The following SAMD3 variants were observed in gnomAD, a reference collection of about 807,000 sequenced individuals.
SAMD3 encodes the protein sterile alpha motif domain containing 3.
SAMD3 carries 63 observed loss-of-function variants against 58.5 expected under a neutral mutation model. The ratio of observed to expected loss-of-function variants is 1.08; its 90% confidence interval spans 0.88 to 1.33. SAMD3 has a LOEUF of 1.33. SAMD3 is among the 40% of genes most tolerant of loss of function. SAMD3 has a pLI of 0.00. For synonymous variants in SAMD3, 220 were observed against 210.3 expected (o/e 1.05, Z -0.40); for missense variants, 604 against 608.4 (o/e 0.99, Z 0.08).
At chr6:130,327,880 G>C in intron 1 of SAMD3, among the ~76,000 whole-genome samples, 1 of 152,130 alleles carries the variant, frequency 6.6e-6, no homozygotes, top group East Asian at 1.9e-4. Flanking sequence ...AGAAAATAAG[G>C]AAGAAGTGAA....
At chr6:130,335,482 A>G (rs1273815935) in intron 1 of SAMD3, among the ~76,000 whole-genome samples, 1 of 152,228 alleles carries the variant, frequency 6.6e-6, no homozygotes, top group Non-Finnish European at 1.5e-5. Flanking sequence ...CAGATACACA[A>G]TCATTATTCA....
At chr6:130,365,124 T>C (rs1778100205) in exon 1 of SAMD3, 4 of 944,610 alleles carry the variant, frequency 4.2e-6, no homozygotes, top group Non-Finnish European at 5.0e-6. Context: ...ACTTACGGAA[T>C]TGGCCTGCAT....
intron 1 of SAMD3, among the ~76,000 whole-genome samples, chr6:130,322,251 A>C (rs1776610254): frequency 6.6e-6 from 1 of 152,212 alleles, no homozygotes; most frequent in Non-Finnish European, 1.5e-5. Flanking sequence ...TTCAGGAACC[A>C]GCAGCAGGCT....
chr6:130,251,722 T>C (rs1377267297), intron 2 of SAMD3, among the ~76,000 whole-genome samples: 2 of 152,192 alleles, frequency 1.3e-5, no homozygotes, highest in Non-Finnish European at 2.9e-5. Context: ...TTTATTTCAT[T>C]GATCTATACT....
At chr6:130,246,528 A>T (rs1297476745) in intron 2 of SAMD3, among the ~76,000 whole-genome samples, 1 of 151,272 alleles carries the variant, frequency 6.6e-6, no homozygotes, top group African/African-American at 2.4e-5. Flanking sequence ...TTTTTTGAGA[A>T]TGTTGCATGT....
intron 2 of SAMD3, among the ~76,000 whole-genome samples, chr6:130,248,201 TG>T (rs1216375399): frequency 1.3e-5 from 2 of 152,086 alleles, no homozygotes; most frequent in African/African-American, 4.8e-5. Flanking sequence ...TGTGTGTGTG[TG>T]TGTGTGTGTG....
intron 7 of SAMD3, among the ~76,000 whole-genome samples, chr6:130,180,731 G>A (rs1268832301): frequency 6.6e-6 from 1 of 152,026 alleles, no homozygotes; most frequent in Non-Finnish European, 1.5e-5. Flanking sequence ...ACAACTGGGT[G>A]GACAGAGTGC....
At chr6:130,299,930 A>C (rs1258844101) in intron 2 of SAMD3, among the ~76,000 whole-genome samples, 1 of 152,222 alleles carries the variant, frequency 6.6e-6, no homozygotes, top group Non-Finnish European at 1.5e-5. Context: ...AATGCTGAAC[A>C]GACCAATAAT....
At chr6:130,336,316 T>C (rs1777099931) in intron 1 of SAMD3, among the ~76,000 whole-genome samples, 1 of 152,152 alleles carries the variant, frequency 6.6e-6, no homozygotes, top group Admixed American at 6.5e-5. Flanking sequence ...ATTGCTAGGG[T>C]CACACAGTGG....
intron 2 of SAMD3, among the ~76,000 whole-genome samples, chr6:130,263,376 T>C (rs1329999647): frequency 6.6e-6 from 1 of 152,132 alleles, no homozygotes; most frequent in East Asian, 1.9e-4. Context: ...AGAGCCAGCC[T>C]GAAGATCACG....
At chr6:130,164,398 T>C (rs1288771581) in intron 8 of SAMD3, among the ~76,000 whole-genome samples, 1 of 152,180 alleles carries the variant, frequency 6.6e-6, no homozygotes, top group Non-Finnish European at 1.5e-5. Context: ...GCAGTAACTC[T>C]CATATATTTC....
At chr6:130,165,624 A>T (rs1547333) in intron 8 of SAMD3, among the ~76,000 whole-genome samples, 110,838 of 151,990 alleles carry the variant, frequency 0.73, 41,254 homozygotes, top group East Asian at 0.97. Flanking sequence ...ACACATCAAA[A>T]TTTTTTCAGA....
chr6:130,211,530 C>A (rs1327270902), intron 4 of SAMD3, among the ~76,000 whole-genome samples: 1 of 151,934 alleles, frequency 6.6e-6, no homozygotes, highest in East Asian at 1.9e-4. Context: ...GTGATCTGCC[C>A]GCCTTGGCCT....
At chr6:130,144,954 C>T in intron 11 of SAMD3, 150 bp from the exon 12 acceptor site, 1 of 857,014 alleles carries the variant, frequency 1.2e-6, no homozygotes, top group Non-Finnish European at 1.7e-6. Context: ...AGACCACCAA[C>T]TTTGCTTTTA....
At chr6:130,248,522 C>T (rs1773632715) in intron 2 of SAMD3, among the ~76,000 whole-genome samples, 1 of 152,138 alleles carries the variant, frequency 6.6e-6, no homozygotes, top group African/African-American at 2.4e-5. Context: ...GCCTGAGAAA[C>T]AAATAGAAGT....
chr6:130,333,044 CGTGTGTGT>C (rs10529435), intron 1 of SAMD3, among the ~76,000 whole-genome samples: 4,415 of 143,610 alleles, frequency 0.031, 217 homozygotes, highest in African/African-American at 0.1. Context: ...GTTGAGTATG[CGTGTGTGT>C]GTGTGTGTGT....
At chr6:130,331,110 G>A (rs1023666030) in intron 1 of SAMD3, among the ~76,000 whole-genome samples, 1 of 152,180 alleles carries the variant, frequency 6.6e-6, no homozygotes, top group Non-Finnish European at 1.5e-5. Flanking sequence ...TAATATATGA[G>A]CAGAAAAAGT....
At chr6:130,271,077 G>A (rs1438368634) in intron 2 of SAMD3, among the ~76,000 whole-genome samples, 1 of 151,444 alleles carries the variant, frequency 6.6e-6, no homozygotes, top group African/African-American at 2.4e-5. Context: ...TTGGTTCACT[G>A]CAACCTCCAC....
intron 2 of SAMD3, among the ~76,000 whole-genome samples, chr6:130,255,062 G>T (rs1773878946): frequency 6.6e-6 from 1 of 152,024 alleles, no homozygotes; most frequent in South Asian, 2.1e-4. Context: ...CCTATTTGTT[G>T]TTCAGGAGAA....
Sources: gnomAD v4.1 joint callset for allele counts (sites outside exome capture counted in the v4.1 genomes callset) on GRCh38, gnomAD v4.1.1 for gene constraint, MANE v1.5 for transcripts, NCBI Gene and HGNC (gene_info 2026-07-23, HGNC 2026-07-21) for gene names.